Variants in USP40 observed in about 807,000 individuals in gnomAD.
USP40 encodes ubiquitin carboxyl-terminal hydrolase 40.
Under a neutral mutation model 166.2 loss-of-function variants are expected in USP40, and 143 were observed. The observed-to-expected ratio is 0.86, with a 90% CI of 0.75 to 0.99. USP40 has a LOEUF of 0.99. Among genes scored for constraint, USP40 ranks in the 50% least tolerant of loss-of-function variants. USP40 has a pLI of 0.00. For missense variants in USP40, 1,444 were observed against 1,479.7 expected, an observed-to-expected ratio of 0.98 and a Z score of 0.40; for synonymous variants, 498 against 524.0, an observed-to-expected ratio of 0.95 and a Z score of 0.68.
At chr2:233,479,241 G>A (rs890554319) in intron 31 of USP40, among the ~76,000 whole-genome samples, 6 of 152,228 alleles carry the variant, frequency 3.9e-5, no homozygotes, top group Non-Finnish European at 7.3e-5. Flanking sequence ...GCTTGGAGAA[G>A]TCTGATGAAG....
intron 3 of USP40, chr2:233,561,049 A>C (rs2071548604): frequency 8.1e-7 from 1 of 1,241,102 alleles, no homozygotes; most frequent in South Asian, 1.3e-5. Flanking sequence ...AATAAAGAGC[A>C]TATTTGATAA....
At chr2:233,517,675 CTGTG>C (rs766357588) in intron 18 of USP40, among the ~76,000 whole-genome samples, 40 of 152,288 alleles carry the variant, frequency 2.6e-4, no homozygotes, top group Non-Finnish European at 3.5e-4. Flanking sequence ...GCGTGAGCCA[CTGTG>C]CCCGGCCTGC....
At chr2:233,511,992 T>C in intron 19 of USP40, 195 bp from the exon 20 acceptor site, 3 of 479,892 alleles carry the variant, frequency 6.3e-6, no homozygotes, top group Non-Finnish European at 1.1e-5. Context: ...AGATATTGTC[T>C]TCCTGTTTTC....
At chr2:233,482,046 T>C (rs957460696) in intron 30 of USP40, among the ~76,000 whole-genome samples, 4 of 152,172 alleles carry the variant, frequency 2.6e-5, no homozygotes, top group Non-Finnish European at 4.4e-5. Context: ...ACATCACAGT[T>C]AAACTCTTCA....
intron 24 of USP40, among the ~76,000 whole-genome samples, chr2:233,494,854 ACT>A: frequency 7.1e-6 from 1 of 140,576 alleles, no homozygotes; most frequent in Admixed American, 7.4e-5. Flanking sequence ...CAAAAAAAAA[ACT>A]GTGCAATTTC....
At chr2:233,498,488 G>A (rs1315323639) in intron 23 of USP40, 60 bp downstream of exon 23, 2 of 1,494,584 alleles carry the variant, frequency 1.3e-6, no homozygotes, top group Non-Finnish European at 1.8e-6. Context: ...TGGGTACCTT[G>A]TACGAAAATA....
chr2:233,499,740 T>A, intron 22 of USP40, 139 bp downstream of exon 22: 1 of 628,034 alleles, frequency 1.6e-6, no homozygotes. Flanking sequence ...GAATTCATTA[T>A]GTACATATGG....
chr2:233,554,278 G>A (rs2070847057), intron 6 of USP40, 102 bp downstream of exon 6: 3 of 1,196,356 alleles, frequency 2.5e-6, no homozygotes, highest in Non-Finnish European at 3.3e-6. Context: ...TCAATCCTTA[G>A]TGTCAACAGC....
intron 30 of USP40, among the ~76,000 whole-genome samples, chr2:233,481,998 A>G (rs1435659178): frequency 6.6e-6 from 1 of 152,196 alleles, no homozygotes; most frequent in African/African-American, 2.4e-5. Context: ...CGCTGGCTGC[A>G]TTCTCAGGTG....
intron 18 of USP40, among the ~76,000 whole-genome samples, chr2:233,516,632 G>A (rs2067216172): frequency 6.6e-6 from 1 of 151,730 alleles, no homozygotes; most frequent in Non-Finnish European, 1.5e-5. Flanking sequence ...AGGTTGCAGT[G>A]GGCCAAGATC....
At chr2:233,556,773 T>C in intron 5 of USP40, 82 bp downstream of exon 5, 1 of 1,288,420 alleles carries the variant, frequency 7.8e-7, no homozygotes, top group Non-Finnish European at 1.0e-6. Context: ...CTTTAATCCT[T>C]GTGTGGTATA....
In USP40 at chr2:233,498,469, T is replaced by C; in HGVS notation, c.2715+79A>G. ...ATAGAAAGTAATTAAAGCTTTCTCA[T>C]GAGTGGAATGGGTACCTTGTACGAA... On this transcript the variant is annotated intron_variant, in intron 23 of 31. Coordinates refer to ENST00000678225, the MANE Select transcript of USP40 (RefSeq NM_001365479.2). 2.4e-6 allele frequency: 3 copies of C among 1,263,590 alleles called. No homozygotes were observed. In the South Asian group the frequency reaches 4.1e-5, roughly 17 times the overall value. 78.3% of individuals were successfully genotyped at this position (1,263,590 alleles called of 1,614,324 possible).
Position 233,533,572 on chromosome 2 carries a change from T to C in USP40, c.1378A>G (p.Ile460Val), listed in dbSNP as rs748260896. 1.4e-5 allele frequency: 22 copies of C among 1,613,786 alleles called. No individual in the cohort carries two copies. Among genetic ancestry groups the C allele is most frequent in the East Asian group, 2.2e-5 (1 of 44,882 alleles). ...FDINDSKVQP[I>V]REKDIEQQFQ... Reference sequence around the variant, plus strand: ...TGCTGTTCAATATCCTTTTCCCTGATTGGCTGGACTTTAGAATCATTTATA... The same window carrying C: ...TGCTGTTCAATATCCTTTTCCCTGACTGGCTGGACTTTAGAATCATTTATA... The change falls in exon 11 of 32, where the codon ATC (isoleucine) becomes GTC (valine). Residue 460 changes from isoleucine (I) to valine (V), a missense_variant. By Grantham distance (29) the Ile-to-Val change is conservative. Transcript: ENST00000678225.
intron 16 of USP40, among the ~76,000 whole-genome samples, chr2:233,522,679 A>G (rs2067739506): frequency 6.6e-6 from 1 of 152,230 alleles, no homozygotes; most frequent in Non-Finnish European, 1.5e-5. Flanking sequence ...TTCGCCACGT[A>G]ACTGCTCTAT....
intron 3 of USP40, chr2:233,560,954 T>C (rs1323458854): frequency 9.9e-6 from 7 of 708,686 alleles, no homozygotes; most frequent in Non-Finnish European, 1.6e-5. Context: ...TATAAAGCAG[T>C]AGCAGTATTG....
Position 233,488,310 on chromosome 2 carries a change from A to G in USP40, c.3132-6T>C. 1.9e-6 allele frequency: 3 copies of G among 1,589,228 alleles called. No homozygotes were observed. Among genetic ancestry groups the G allele is most frequent in the South Asian group, 2.3e-5 (2 of 86,756 alleles). ...TCCGTCCTAGTTTATATTCCCTGAT[A>G]ATAAGTGAAACAAGATAATATTGAG... On this transcript the variant is annotated splice_polypyrimidine_tract_variant and splice_region_variant and intron_variant, in intron 27 of 31. Transcript: ENST00000678225.
rs2065499625 is a variant in USP40 at position 233,493,855 on chromosome 2, C to T, written c.2791-304G>A. Reference sequence around the variant, plus strand: ...GCTTGAACACACTATACCAGCGTTTCCAGGCGCTGTCCAAGCACTGCTGGC... The same window carrying T: ...GCTTGAACACACTATACCAGCGTTTTCAGGCGCTGTCCAAGCACTGCTGGC... On this transcript the variant is annotated intron_variant, in intron 24 of 31. Transcript: ENST00000678225. The surrounding 1 kb of genome is among the most constrained non-coding windows in gnomAD (Gnocchi z 4.7). Among the ~76,000 whole-genome samples the T allele has an allele frequency of 6.6e-6, 1 of 152,296 alleles. No individual in the cohort carries two copies. Among genetic ancestry groups the T allele is most frequent in the South Asian group, 2.1e-4 (1 of 4,824 alleles).
chr2:233,527,557 G>A lies in USP40; in HGVS notation c.1575C>T (p.Asn525=), dbSNP rs1266581881. 1.1e-5 allele frequency: 18 copies of A among 1,609,958 alleles called. No individual in the cohort carries two copies. The highest frequency in any genetic ancestry group is 1.4e-5 in the Non-Finnish European group (17 of 1,178,728). ...QTKRAECDSA[N]NTFELHLHLG... ...GGTGAAGATGCAATTCAAAAGTATT[G>A]TTTGCAGAATCACATTCTGCCCTTT... Residue 525 remains asparagine, a synonymous_variant, in exon 13 of 32, where the codon AAC becomes AAT. Coordinates refer to ENST00000678225, the MANE Select transcript of USP40 (RefSeq NM_001365479.2).
intron 8 of USP40, chr2:233,547,117 CTG>C (rs1230418802): frequency 6.6e-6 from 1 of 152,156 alleles, no homozygotes. Context: ...TAAAACAAAA[CTG>C]TCTTTTTCCA....
Sources: allele counts gnomAD v4.1 joint callset (sites outside exome capture counted in the v4.1 genomes callset), GRCh38; gene constraint gnomAD v4.1.1; non-coding constraint Gnocchi (gnomAD v3.1); transcripts MANE v1.5; gene names NCBI Gene and HGNC (gene_info 2026-07-23, HGNC 2026-07-21).